TBCD: variants seen among roughly 807,000 people sequenced by gnomAD.
TBCD encodes the protein tubulin folding cofactor D.
A neutral mutation model predicts 169.3 loss-of-function variants in TBCD; 105 were observed. The observed-to-expected ratio is 0.62, with a 90% CI of 0.53 to 0.73. TBCD has a LOEUF of 0.73. TBCD is among the 30% of genes least tolerant of loss of function. TBCD has a pLI of 0.00. For missense variants in TBCD, 1,444 were observed against 1,600.1 expected, an observed-to-expected ratio of 0.90 and a Z score of 1.66; for synonymous variants, 700 against 643.9, an observed-to-expected ratio of 1.09 and a Z score of -1.32.
At chr17:82,875,620 C>A (rs975026132) in intron 14 of TBCD, among the ~76,000 whole-genome samples, 16 of 152,172 alleles carry the variant, frequency 1.1e-4, no homozygotes, top group African/African-American at 3.4e-4. Flanking sequence ...GGAGGATCCG[C>A]CGAGGCCTGC....
chr17:82,895,186 C>T (rs776300012), intron 17 of TBCD, among the ~76,000 whole-genome samples: 14 of 152,250 alleles, frequency 9.2e-5, no homozygotes, highest in African/African-American at 2.4e-4. Context: ...GGCTTCCTCA[C>T]GATGCCAGGC....
At chr17:82,827,039 G>C (rs1212116206) in intron 13 of TBCD, among the ~76,000 whole-genome samples, 3 of 152,198 alleles carry the variant, frequency 2.0e-5, no homozygotes, top group Admixed American at 2.0e-4. Context: ...TCAATGTGCT[G>C]GGATGACAGG....
rs757289175 is a variant in TBCD at position 82,870,271 on chromosome 17, G to A, written c.1366G>A (p.Ala456Thr). The A allele has an allele frequency of 6.2e-7, 1 of 1,613,420 alleles. No individual in the cohort carries two copies. The highest frequency in any genetic ancestry group is 8.5e-7 in the Non-Finnish European group (1 of 1,179,890). The change falls in exon 14 of 39, where the codon GCC becomes ACC. Residue 456 changes from alanine (A) to threonine (T), a missense_variant. Transcript: ENST00000355528. ...GCTGACCTACGACGAGAAGCGGGGT[G>A]CCTGCAGCGTGGGCACCAACGTCAG... ...KALTYDEKRG[A>T]CSVGTNVRDA...
intron 7 of TBCD, among the ~76,000 whole-genome samples, chr17:82,787,205 G>C (rs541288684): frequency 6.6e-6 from 1 of 152,180 alleles, no homozygotes; most frequent in South Asian, 2.1e-4. Context: ...CTGTCCTGCC[G>C]TTTAGGGCAG....
At chr17:82,857,305 T>A (rs1165469345) in intron 13 of TBCD, among the ~76,000 whole-genome samples, 2 of 152,208 alleles carry the variant, frequency 1.3e-5, no homozygotes, top group Non-Finnish European at 2.9e-5. Flanking sequence ...TTAAATTGGA[T>A]TGTTTGTCCT....
intron 12 of TBCD, among the ~76,000 whole-genome samples, chr17:82,811,448 T>C (rs2051436916): frequency 6.6e-6 from 1 of 152,198 alleles, no homozygotes; most frequent in Non-Finnish European, 1.5e-5. Context: ...TTTATTTTTG[T>C]TATTTTAATG....
intron 13 of TBCD, among the ~76,000 whole-genome samples, chr17:82,840,757 C>A (rs573747128): frequency 2.0e-5 from 3 of 152,058 alleles, no homozygotes; most frequent in Non-Finnish European, 4.4e-5. Flanking sequence ...ACCTCCACAC[C>A]CCCCCACCAA....
chr17:82,891,051 C>T (rs963635998), intron 16 of TBCD, among the ~76,000 whole-genome samples: 1 of 152,226 alleles, frequency 6.6e-6, no homozygotes, highest in African/African-American at 2.4e-5. Context: ...GAGGCCAGAG[C>T]CCGGGGTGAC....
chr17:82,855,132 G>A (rs1052313116), intron 13 of TBCD, among the ~76,000 whole-genome samples: 1 of 151,106 alleles, frequency 6.6e-6, no homozygotes, highest in Non-Finnish European at 1.5e-5. Context: ...CCCCATATGG[G>A]CCACTTTGGC....
chr17:82,857,989 C>A (rs557959970), intron 13 of TBCD, among the ~76,000 whole-genome samples: 1 of 151,950 alleles, frequency 6.6e-6, no homozygotes, highest in African/African-American at 2.4e-5. Context: ...CACAGCTCAC[C>A]GCAGCCTTGA....
intron 9 of TBCD, among the ~76,000 whole-genome samples, chr17:82,803,387 C>T (rs3791172): frequency 0.36 from 55,340 of 152,112 alleles, 10,361 homozygotes; most frequent in Middle Eastern, 0.41. Flanking sequence ...CTGCGGCACT[C>T]GGCCTCCCAG....
intron 13 of TBCD, among the ~76,000 whole-genome samples, chr17:82,853,996 C>T (rs1490745397): frequency 6.6e-6 from 1 of 152,134 alleles, no homozygotes; most frequent in African/African-American, 2.4e-5. Flanking sequence ...TATTCTGTTT[C>T]CTGTGTTTCT....
chr17:82,861,355 CCGCTGGTTCACGTCAG>C (rs2056751746), intron 13 of TBCD, among the ~76,000 whole-genome samples: 1 of 84,050 alleles, frequency 1.2e-5, no homozygotes, highest in Admixed American at 1.3e-4. Flanking sequence ...TTCACGTCAG[CCGCTGGTTCACGTCAG>C]CTGCTGGTTC....
At position 82,927,977 on chromosome 17, in the gene TBCD, C is replaced by G; in HGVS notation, c.2682C>G (p.Ile894Met). ...TGGCTCGGAGCCAGCCTGAGCTGAT[C>G]GAGGCCCATACGTGAGTGTCACGTC... ...LLLARSQPELIEAHTCERIMC... is the reference protein window; with the variant it reads ...LLLARSQPELMEAHTCERIMC... The change falls in exon 30 of 39, where the codon ATC becomes ATG. Residue 894 changes from isoleucine (I) to methionine (M), a missense_variant. Transcript: ENST00000355528. 1.9e-6 allele frequency: 3 copies of G among 1,611,442 alleles called. No individual in the cohort carries two copies. The highest frequency in any genetic ancestry group is 1.3e-5 in the African/African-American group (1 of 75,038).
In TBCD at chr17:82,889,787, G is replaced by A. The variant is rs960553650; in HGVS notation, c.1563+90G>A. On this transcript the variant is annotated intron_variant, in intron 16 of 38. Coordinates refer to ENST00000355528, the MANE Select transcript of TBCD (RefSeq NM_005993.5). This position sits in a 1 kb window ranked among gnomAD's most constrained non-coding sequence, Gnocchi z 5.3. ...AGAGCTATAACCCTGGTGTCTTCTCGCACTGTGAGATGTGGTGTGGCTACA... is the reference window on the plus strand; with the variant it reads ...AGAGCTATAACCCTGGTGTCTTCTCACACTGTGAGATGTGGTGTGGCTACA... The A allele has an allele frequency of 1.2e-5, 17 of 1,462,584 alleles. No individual in the cohort carries two copies. The highest frequency in any genetic ancestry group is 5.6e-5 in the African/African-American group (4 of 71,166). 90.6% of individuals were successfully genotyped at this position (1,462,584 alleles called of 1,614,324 possible). A position where few individuals can be genotyped will look rare whatever the true frequency, so the allele number is the denominator to read the frequency against.
chr17:82,827,006 A>G (rs543243746), intron 13 of TBCD, among the ~76,000 whole-genome samples: 1 of 152,290 alleles, frequency 6.6e-6, no homozygotes, highest in South Asian at 2.1e-4. Flanking sequence ...CCTGACCTCA[A>G]GCAATCCATC....
rs577645897 is a variant in TBCD, at chr17:82,874,995, G to A, written c.1475+4615G>A. On this transcript the variant is annotated intron_variant, in intron 14 of 38. Coordinates refer to ENST00000355528, the MANE Select transcript of TBCD (RefSeq NM_005993.5). The surrounding 1 kb of genome is among the most constrained non-coding windows in gnomAD (Gnocchi z 5.0). The stretch of plus-strand genomic sequence containing the variant: ...TGGAAATGCCTGATCGAGCTGGGCG[G>A]TGGCAGCAGCCGCTCCTCACTCTTC... Among the ~76,000 whole-genome samples the A allele has an allele frequency of 2.6e-5, 4 of 152,344 alleles. No individual in the cohort carries two copies. Among genetic ancestry groups the A allele is most frequent in the African/African-American group, 7.2e-5 (3 of 41,586 alleles).
intron 13 of TBCD, among the ~76,000 whole-genome samples, chr17:82,843,722 T>C (rs1042898380): frequency 2.6e-5 from 4 of 152,194 alleles, no homozygotes; most frequent in Non-Finnish European, 4.4e-5. Flanking sequence ...CTTATTAGTT[T>C]ATGATTCTTC....
At chr17:82,846,268 C>CCG (rs1567878900) in intron 13 of TBCD, among the ~76,000 whole-genome samples, 28 of 143,328 alleles carry the variant, frequency 2.0e-4, no homozygotes, top group East Asian at 8.1e-4. Context: ...GTCCTCTGTG[C>CCG]TGTGTCCTCT....
Sources: allele counts gnomAD v4.1 joint callset (sites outside exome capture counted in the v4.1 genomes callset), GRCh38; gene constraint gnomAD v4.1.1; non-coding constraint Gnocchi (gnomAD v3.1); transcripts MANE v1.5; gene names NCBI Gene and HGNC (gene_info 2026-07-23, HGNC 2026-07-21).